CSMD1: variants seen among roughly 807,000 people sequenced by gnomAD.
The protein encoded by CSMD1 is CUB and sushi domain-containing protein 1.
Under a neutral mutation model 417.5 loss-of-function variants are expected in CSMD1, and 213 were observed. The observed-to-expected ratio is 0.51, with a 90% confidence interval of 0.46 to 0.57. CSMD1 has a LOEUF of 0.57. Ranked by LOEUF, CSMD1 falls within the 20% of genes least tolerant of loss-of-function variation. The probability of loss-of-function intolerance (pLI) is 0.00; values close to 1 mark genes in which losing one functional copy is unlikely to be tolerated. For missense variants in CSMD1, 6,923 were observed against 4,529.7 expected, an observed-to-expected ratio of 1.53 and a Z score of -15.17; for synonymous variants, 2,862 against 1,736.8, an observed-to-expected ratio of 1.65 and a Z score of -16.11.
At chr8:3,004,339 G>A (rs930369005) in intron 52 of CSMD1, among the ~76,000 whole-genome samples, 6 of 152,118 alleles carry the variant, frequency 3.9e-5, no homozygotes, top group South Asian at 2.1e-4. Context: ...GTCACAGCTC[G>A]GACATCATGA....
intron 10 of CSMD1, among the ~76,000 whole-genome samples, chr8:3,499,248 T>G (rs900067001): frequency 6.6e-6 from 1 of 152,222 alleles, no homozygotes; most frequent in Non-Finnish European, 1.5e-5. Flanking sequence ...TGATATTTAT[T>G]TGGTTGTAAT....
intron 25 of CSMD1, among the ~76,000 whole-genome samples, chr8:3,305,746 C>G (rs901494220): frequency 2.6e-5 from 4 of 152,156 alleles, no homozygotes; most frequent in Non-Finnish European, 4.4e-5. Context: ...GTGGCACGAT[C>G]TCAGCTCACT....
intron 8 of CSMD1, among the ~76,000 whole-genome samples, chr8:3,616,074 A>C (rs1014930801): frequency 1.3e-5 from 2 of 152,224 alleles, no homozygotes; most frequent in African/African-American, 2.4e-5. Context: ...TTTTAATGAA[A>C]TAACTATGAG....
chr8:3,971,131 A>T (rs550062180), intron 5 of CSMD1, among the ~76,000 whole-genome samples: 20 of 151,756 alleles, frequency 1.3e-4, no homozygotes, highest in Admixed American at 1.1e-3. Flanking sequence ...CTGAAATCAC[A>T]CGGTGTTAAA....
At chr8:3,317,017 C>CAAAT (rs1431556265) in intron 23 of CSMD1, among the ~76,000 whole-genome samples, 5 of 151,926 alleles carry the variant, frequency 3.3e-5, no homozygotes, top group Admixed American at 6.6e-5. Context: ...GAAGCATGCA[C>CAAAT]AAATACTATT....
At position 4,676,191 on chromosome 8, in the gene CSMD1, G is replaced by C. The variant is rs138853612; in HGVS notation, c.86-38633C>G. ...TATCAAGGTCATAGACCCTGACCTAGGCATTGAATAGTTTTGTGGTACTTG... is the reference window on the plus strand; with the variant it reads ...TATCAAGGTCATAGACCCTGACCTACGCATTGAATAGTTTTGTGGTACTTG... On this transcript the variant is annotated intron_variant, in intron 1 of 69. Coordinates refer to ENST00000635120, the MANE Select transcript of CSMD1 (RefSeq NM_033225.6). Among the ~76,000 whole-genome samples the C allele has an allele frequency of 2.7e-3, 407 of 152,240 alleles. 1 individual carries two copies. The highest frequency in any genetic ancestry group is 9.3e-3 in the African/African-American group (387 of 41,546).
At chr8:4,379,929 C>T (rs2128918066) in intron 3 of CSMD1, among the ~76,000 whole-genome samples, 1 of 152,288 alleles carries the variant, frequency 6.6e-6, no homozygotes, top group Middle Eastern at 3.4e-3. Flanking sequence ...TGAGCGCGGC[C>T]AGCATACACT....
intron 3 of CSMD1, among the ~76,000 whole-genome samples, chr8:4,188,583 C>A (rs1239019226): frequency 6.6e-6 from 1 of 152,028 alleles, no homozygotes; most frequent in Non-Finnish European, 1.5e-5. Context: ...AACTGACGCG[C>A]CCTACAGTTC....
chr8:4,550,833 C>A (rs370407888), intron 2 of CSMD1, among the ~76,000 whole-genome samples: 29 of 152,168 alleles, frequency 1.9e-4, no homozygotes, highest in African/African-American at 6.0e-4. Context: ...CAAGTCGACA[C>A]AGAAATGGAA....
intron 1 of CSMD1, among the ~76,000 whole-genome samples, chr8:4,811,675 T>C (rs567746935): frequency 1.1e-3 from 168 of 152,260 alleles, no homozygotes; most frequent in Middle Eastern, 3.4e-3. Flanking sequence ...ATGATTTCTA[T>C]TGGCTCATTG....
chr8:3,069,433 T>TG (rs1813176457), intron 49 of CSMD1, among the ~76,000 whole-genome samples: 7 of 146,378 alleles, frequency 4.8e-5, no homozygotes, highest in Admixed American at 4.7e-4. Context: ...AGACTCTGTC[T>TG]GAAAAAAAAA....
intron 1 of CSMD1, among the ~76,000 whole-genome samples, chr8:4,975,214 T>C (rs1435163557): frequency 6.6e-6 from 1 of 152,168 alleles, no homozygotes; most frequent in Non-Finnish European, 1.5e-5. Flanking sequence ...CTTTCCAAAG[T>C]TATGAAAATA....
At chr8:4,302,144 G>C (rs558259628) in intron 3 of CSMD1, among the ~76,000 whole-genome samples, 11 of 152,258 alleles carry the variant, frequency 7.2e-5, no homozygotes, top group South Asian at 6.2e-4. Context: ...CAAAAAAACA[G>C]TTTATGGACT....
At chr8:4,424,045 C>G (rs1054940142) in intron 2 of CSMD1, among the ~76,000 whole-genome samples, 1 of 151,902 alleles carries the variant, frequency 6.6e-6, no homozygotes, top group African/African-American at 2.4e-5. Flanking sequence ...AAAATTACCT[C>G]AATGTGGATT....
At chr8:3,108,148 T>A (rs981492915) in intron 44 of CSMD1, among the ~76,000 whole-genome samples, 4 of 152,210 alleles carry the variant, frequency 2.6e-5, no homozygotes, top group African/African-American at 9.6e-5. Flanking sequence ...CCCTGTCCCG[T>A]GTCCTGAGGA....
intron 12 of CSMD1, among the ~76,000 whole-genome samples, chr8:3,444,500 C>T: frequency 6.6e-6 from 1 of 152,158 alleles, no homozygotes; most frequent in Non-Finnish European, 1.5e-5. Context: ...CTACCATCTT[C>T]TCTCCCCTCA....
chr8:3,362,390 G>C (rs1321036107), intron 20 of CSMD1, among the ~76,000 whole-genome samples: 1 of 152,062 alleles, frequency 6.6e-6, no homozygotes, highest in Non-Finnish European at 1.5e-5. Context: ...AAAAACCAAT[G>C]GTCAATTCTT....
chr8:4,531,041 C>T (rs151187648), intron 2 of CSMD1, among the ~76,000 whole-genome samples: 44 of 152,232 alleles, frequency 2.9e-4, no homozygotes, highest in Non-Finnish European at 5.3e-4. Context: ...TGTTGGATTA[C>T]GTTGATTGTA....
At chr8:3,136,567 T>A (rs1369094365) in intron 41 of CSMD1, among the ~76,000 whole-genome samples, 1 of 151,978 alleles carries the variant, frequency 6.6e-6, no homozygotes, top group Non-Finnish European at 1.5e-5. Flanking sequence ...GACCGGCTCA[T>A]CCCTTTCGGA....
Sources: allele counts gnomAD v4.1 joint callset (sites outside exome capture counted in the v4.1 genomes callset), GRCh38; gene constraint gnomAD v4.1.1; transcripts MANE v1.5; gene names NCBI Gene and HGNC (gene_info 2026-07-23, HGNC 2026-07-21).